Variants in ARHGAP26 observed in about 807,000 individuals in gnomAD.
ARHGAP26 encodes Rho GTPase activating protein 26.
ARHGAP26 carries 38 observed loss-of-function variants against 104.8 expected under a neutral mutation model. The observed-to-expected ratio is 0.36, with a 90% CI of 0.28 to 0.48. The LOEUF (loss-of-function observed/expected upper bound fraction) is 0.48. ARHGAP26 is among the 20% of genes least tolerant of loss of function. The probability of loss-of-function intolerance (pLI) is 0.99; values close to 1 mark genes in which losing one functional copy is unlikely to be tolerated. For missense variants in ARHGAP26, 704 were observed against 947.9 expected, an observed-to-expected ratio of 0.74 and a Z score of 3.38; for synonymous variants, 341 against 340.0, an observed-to-expected ratio of 1.00 and a Z score of -0.03.
chr5:143,064,335 G>C (rs1321173673), intron 17 of ARHGAP26, among the ~76,000 whole-genome samples: 3 of 151,378 alleles, frequency 2.0e-5, no homozygotes, highest in Non-Finnish European at 4.4e-5. Context: ...GGAGCTCGAT[G>C]TTTGGTGAAT....
chr5:142,992,919 T>C (rs1775831021), intron 11 of ARHGAP26, among the ~76,000 whole-genome samples: 1 of 152,238 alleles, frequency 6.6e-6, no homozygotes, highest in African/African-American at 2.4e-5. Flanking sequence ...AAAATGCTGC[T>C]AGACAGATGG....
intron 1 of ARHGAP26, among the ~76,000 whole-genome samples, chr5:142,822,009 A>C (rs1766289057): frequency 6.6e-6 from 1 of 152,238 alleles, no homozygotes; most frequent in African/African-American, 2.4e-5. Flanking sequence ...ACAAACTATT[A>C]ACCTGTTAAA....
At position 143,147,286 on chromosome 5, in the gene ARHGAP26, A is replaced by G. The variant is rs1203612755; in HGVS notation, c.1893A>G (p.Pro631=). The change falls in exon 20 of 23, where the codon CCA becomes CCG. Residue 631 remains proline, a synonymous_variant. Transcript: ENST00000645722. ...NSSLESVSSN[P]NSILNSSSSL... is the part of the protein sequence containing the mutation. Reference sequence around the variant, plus strand: ...GTTTGGAATCTGTCTCATCAAATCCAAACAGCATCCTTAATTCCAGCAGCA... The same window carrying G: ...GTTTGGAATCTGTCTCATCAAATCCGAACAGCATCCTTAATTCCAGCAGCA... The G allele has an allele frequency of 3.7e-6, 6 of 1,614,112 alleles. No homozygotes were observed. The highest frequency in any genetic ancestry group is 2.2e-5 in the South Asian group (2 of 91,082).
intron 10 of ARHGAP26, among the ~76,000 whole-genome samples, chr5:142,921,331 A>C (rs74725486): frequency 0.019 from 2,818 of 152,310 alleles, 37 homozygotes; most frequent in Non-Finnish European, 0.027. Flanking sequence ...CATTTTATGC[A>C]GCTTTTAATA....
At chr5:143,066,563 A>G (rs1430574377) in intron 17 of ARHGAP26, among the ~76,000 whole-genome samples, 1 of 152,200 alleles carries the variant, frequency 6.6e-6, no homozygotes, top group African/African-American at 2.4e-5. Flanking sequence ...AAAGAAGATG[A>G]TAGAGCTGGT....
intron 1 of ARHGAP26, among the ~76,000 whole-genome samples, chr5:142,810,485 C>T (rs1227214106): frequency 6.6e-6 from 1 of 152,090 alleles, no homozygotes; most frequent in Non-Finnish European, 1.5e-5. Flanking sequence ...CTCCCCTCTC[C>T]CCCATCTCTT....
chr5:143,227,624 G>T lies in ARHGAP26; in HGVS notation c.*5178G>T, dbSNP rs756277701. On this transcript the variant is annotated 3_prime_UTR_variant, in exon 23 of 23. Transcript: ENST00000645722. Reference sequence around the variant, plus strand: ...AGCTTTTTTTCTCCTGCCGCCTACAGTACCTGTCTAACTAAAGAGCTTCCC... The same window carrying T: ...AGCTTTTTTTCTCCTGCCGCCTACATTACCTGTCTAACTAAAGAGCTTCCC... 8.7e-6 allele frequency: 2 copies of T among 229,628 alleles called. No individual in the cohort carries two copies. Among genetic ancestry groups the T allele is most frequent in the Non-Finnish European group, 8.6e-6 (1 of 115,770 alleles). The allele number at this position is 229,628 out of a possible 1,614,324, so 14.2% of individuals were successfully genotyped here.
intron 5 of ARHGAP26, among the ~76,000 whole-genome samples, chr5:142,893,672 A>G (rs1759043574): frequency 6.6e-6 from 1 of 152,216 alleles, no homozygotes. Flanking sequence ...AGAAATCTCC[A>G]TACTGTTCTC....
intron 20 of ARHGAP26, among the ~76,000 whole-genome samples, chr5:143,178,826 T>C (rs1220628139): frequency 6.6e-6 from 1 of 152,082 alleles, no homozygotes; most frequent in Non-Finnish European, 1.5e-5. Context: ...GACCTAGAAA[T>C]CATCTGACTC....
intron 21 of ARHGAP26, among the ~76,000 whole-genome samples, chr5:143,210,796 G>C (rs1265659279): frequency 6.6e-6 from 1 of 152,170 alleles, no homozygotes; most frequent in Non-Finnish European, 1.5e-5. Context: ...TGCTTTCCAG[G>C]CCTTGTGCCA....
chr5:143,093,954 T>C (rs369959290), intron 17 of ARHGAP26, among the ~76,000 whole-genome samples: 1 of 152,186 alleles, frequency 6.6e-6, no homozygotes, highest in Admixed American at 6.5e-5. Flanking sequence ...ACGCACCCCA[T>C]GGGGATTTCT....
intron 11 of ARHGAP26, among the ~76,000 whole-genome samples, chr5:142,965,498 G>C (rs1771171824): frequency 6.6e-6 from 1 of 152,214 alleles, no homozygotes; most frequent in Admixed American, 6.5e-5. Flanking sequence ...GGGCATAACA[G>C]AAGGCTCACA....
At chr5:142,937,409 G>T (rs560604935) in intron 11 of ARHGAP26, among the ~76,000 whole-genome samples, 1 of 152,308 alleles carries the variant, frequency 6.6e-6, no homozygotes, top group East Asian at 1.9e-4. Context: ...ATGCCGGCAA[G>T]GATGCAGAGA....
intron 5 of ARHGAP26, among the ~76,000 whole-genome samples, chr5:142,887,489 C>T (rs575918447): frequency 9.9e-5 from 15 of 152,238 alleles, no homozygotes; most frequent in South Asian, 2.1e-4. Flanking sequence ...TGGCCTGTTC[C>T]GCTCCATTTT....
At chr5:143,045,988 G>A (rs1784177857) in intron 14 of ARHGAP26, among the ~76,000 whole-genome samples, 1 of 152,158 alleles carries the variant, frequency 6.6e-6, no homozygotes, top group South Asian at 2.1e-4. Flanking sequence ...AAAAAAATTA[G>A]TCAGGTGTGG....
At chr5:143,125,488 C>G in intron 18 of ARHGAP26, among the ~76,000 whole-genome samples, 1 of 152,198 alleles carries the variant, frequency 6.6e-6, no homozygotes, top group East Asian at 1.9e-4. Flanking sequence ...TACCCTGTCA[C>G]AATGGTCCAG....
intron 17 of ARHGAP26, among the ~76,000 whole-genome samples, chr5:143,062,780 A>G (rs1167119624): frequency 6.6e-6 from 1 of 152,236 alleles, no homozygotes; most frequent in African/African-American, 2.4e-5. Flanking sequence ...AATACTTAAC[A>G]TAAGCACATT....
chr5:143,090,490 C>A (rs571073734), intron 17 of ARHGAP26, among the ~76,000 whole-genome samples: 5 of 152,224 alleles, frequency 3.3e-5, no homozygotes, highest in African/African-American at 1.2e-4. Context: ...GCAATTGTTC[C>A]CTTGTGAGAA....
intron 1 of ARHGAP26, among the ~76,000 whole-genome samples, chr5:142,856,026 C>G (rs1752300044): frequency 6.6e-6 from 1 of 152,140 alleles, no homozygotes; most frequent in Admixed American, 6.5e-5. Context: ...ATTTCTGGAC[C>G]AAGTAATGAA....
Sources: gnomAD v4.1 joint callset for allele counts (sites outside exome capture counted in the v4.1 genomes callset) on GRCh38, gnomAD v4.1.1 for gene constraint, MANE v1.5 for transcripts, NCBI Gene and HGNC (gene_info 2026-07-23, HGNC 2026-07-21) for gene names.